Variants in PRDM8 observed in about 807,000 individuals in gnomAD.
PRDM8 encodes PR/SET domain 8, also known as PR domain zinc finger protein 8.
In PRDM8, 13 loss-of-function variants were observed where a neutral mutation model predicts 46.5. The observed-to-expected ratio is 0.28, with a 90% confidence interval of 0.18 to 0.44. PRDM8 has a LOEUF of 0.44. PRDM8 is among the 20% of genes least tolerant of loss of function. The pLI, the probability that PRDM8 is intolerant of heterozygous loss-of-function variation, is 1.00. For synonymous variants in PRDM8, 473 were observed against 438.4 expected (o/e 1.08, Z -0.98); for missense variants, 998 against 955.0 (o/e 1.04, Z -0.59).
At chr4:80,188,837 A>G (rs1737321877) in intron 1 of PRDM8, among the ~76,000 whole-genome samples, 1 of 152,234 alleles carries the variant, frequency 6.6e-6, no homozygotes, top group South Asian at 2.1e-4. Flanking sequence ...CGAGCCAGAC[A>G]GGGAGCTCCG....
At chr4:80,192,866 T>G (rs186449780), upstream of PRDM8, among the ~76,000 whole-genome samples, 214 of 152,260 alleles carry the variant, frequency 1.4e-3, 2 homozygotes, top group Admixed American at 0.011. Flanking sequence ...AAAGTCATAC[T>G]CAGAGGCCAT....
rs1381153749 is a variant in PRDM8, at chr4:80,203,360, C to T, written c.1898C>T (p.Ser633Phe). 4.3e-6 allele frequency: 7 copies of T among 1,614,122 alleles called. No homozygotes were observed. Among genetic ancestry groups the T allele is most frequent in the Non-Finnish European group, 5.9e-6 (7 of 1,180,020 alleles). ...AACTGGTGCGCCAAGTGCAATGCCT[C>T]CTTCCGCATGACCTCCGACCTGGTG... ...AQNWCAKCNA[S>F]FRMTSDLVYH... is the part of the protein sequence containing the mutation. The change falls in exon 4 of 4, where the codon TCC becomes TTC. Residue 633 changes from serine to phenylalanine, a missense_variant. By Grantham distance (155) the Ser-to-Phe change is radical. Transcript: ENST00000415738.
At chr4:80,192,746 G>A (rs954920060), upstream of PRDM8, among the ~76,000 whole-genome samples, 3 of 152,180 alleles carry the variant, frequency 2.0e-5, no homozygotes, top group African/African-American at 7.2e-5. Context: ...TTGAAATAGT[G>A]GATATTGGAT....
At chr4:80,187,679 G>A (rs3796593) in intron 1 of PRDM8, among the ~76,000 whole-genome samples, 2,339 of 152,146 alleles carry the variant, frequency 0.015, 57 homozygotes, top group East Asian at 0.12. Context: ...GGTTTGCTCC[G>A]CGTCTGTTGT....
chr4:80,199,969 T>A, intron 1 of PRDM8, 110 bp from the exon 2 acceptor site: 2 of 788,306 alleles, frequency 2.5e-6, no homozygotes, highest in Non-Finnish European at 4.1e-6. Flanking sequence ...TATGCAAAAA[T>A]CAGGCATGTG....
At chr4:80,201,876 G>T (rs773328126) in intron 3 of PRDM8, 38 bp from the exon 4 acceptor site, 1 of 1,453,380 alleles carries the variant, frequency 6.9e-7, no homozygotes, top group Non-Finnish European at 9.2e-7. Context: ...GTGTGTGTGT[G>T]CGTGCGTGCG....
upstream of PRDM8, chr4:80,196,744 A>AC: frequency 1.2e-6 from 1 of 863,576 alleles, no homozygotes; most frequent in East Asian, 1.3e-4. Context: ...ACAAAAACAA[A>AC]CAAAAAAAAA....
At position 80,185,714 on chromosome 4, in the gene PRDM8, A is replaced by T. The variant is rs191606142; in HGVS notation, c.-983+196A>T. On this transcript the variant is annotated intron_variant, in intron 1 of 9. Transcript: ENST00000339711. ...GCGCACCTGCAATACGGATGAGTTC[A>T]GAGTTTGATCCCTTGGGGCCTTTTT... 1.1e-4 allele frequency among the ~76,000 whole-genome samples: 16 copies of T among 152,332 alleles called. 1 individual carries two copies. The highest frequency in any genetic ancestry group is 6.5e-4 in the Admixed American group (10 of 15,300).
Position 80,202,667 on chromosome 4 carries a change from G to A in PRDM8, c.1205G>A (p.Gly402Glu). 1 of 1,455,504 alleles carries A rather than the reference G, an allele frequency of 6.9e-7. No homozygotes were observed. The highest frequency in any genetic ancestry group is 9.0e-7 in the Non-Finnish European group (1 of 1,109,078). The allele number at this position is 1,455,504 out of a possible 1,614,324, so 90.2% of individuals were successfully genotyped here. The change falls in exon 4 of 4, where the codon GGG (glycine) becomes GAG (glutamate). Residue 402 changes from glycine (G) to glutamate (E), a missense_variant. Physicochemically the swap from Gly to Glu is moderately conservative, Grantham distance 98. Transcript: ENST00000415738. Reference protein sequence around the residue: ...AARAASLQEEGTADGAGVASE... With the variant: ...AARAASLQEEETADGAGVASE... ...CGCGCGGCCAGCCTGCAGGAGGAGG[G>A]GACAGCCGACGGCGCGGGAGTCGCC...
At chr4:80,198,222 C>A (rs1349961338) in intron 1 of PRDM8, among the ~76,000 whole-genome samples, 1 of 152,244 alleles carries the variant, frequency 6.6e-6, no homozygotes, top group Admixed American at 6.5e-5. Flanking sequence ...CGACTCCGAC[C>A]GCTATTAGCG....
intron 1 of PRDM8, among the ~76,000 whole-genome samples, chr4:80,187,091 C>T (rs1470731731): frequency 6.6e-6 from 1 of 152,172 alleles, no homozygotes; most frequent in South Asian, 2.1e-4. Flanking sequence ...TCCTTCTCAC[C>T]AATGTCTCCT....
chr4:80,186,322 T>C (rs986658755), intron 1 of PRDM8, among the ~76,000 whole-genome samples: 2 of 151,800 alleles, frequency 1.3e-5, no homozygotes, highest in Non-Finnish European at 2.9e-5. Flanking sequence ...AGATTTACTT[T>C]TGCAGCCTTT....
intron 1 of PRDM8, among the ~76,000 whole-genome samples, chr4:80,187,340 C>G (rs1178888372): frequency 6.6e-6 from 1 of 150,408 alleles, no homozygotes; most frequent in South Asian, 2.1e-4. Flanking sequence ...TATTATTGTC[C>G]ATTATTTTAT....
intron 1 of PRDM8, among the ~76,000 whole-genome samples, chr4:80,189,214 A>G (rs561724131): frequency 1.3e-5 from 2 of 152,302 alleles, no homozygotes; most frequent in East Asian, 3.9e-4. Flanking sequence ...ACGTGTTCAC[A>G]TGCTTCTCAT....
chr4:80,199,737 G>GTGTGTA (rs1553905032), intron 1 of PRDM8, among the ~76,000 whole-genome samples: 5,341 of 140,382 alleles, frequency 0.038, 303 homozygotes, highest in African/African-American at 0.12. Context: ...GTGTGTGTGT[G>GTGTGTA]TACATATATA....
At chr4:80,196,392 C>T, upstream of PRDM8, 1 of 985,490 alleles carries the variant, frequency 1.0e-6, no homozygotes, top group East Asian at 1.1e-4. Context: ...CCGAGATTCC[C>T]CAGCGACGTG....
rs534247759 is a variant in PRDM8 at position 80,203,729 on chromosome 4, G to A, written c.*197G>A. The A allele has an allele frequency of 2.5e-5, 15 of 590,022 alleles. No homozygotes were observed. Among genetic ancestry groups the A allele is most frequent in the Non-Finnish European group, 3.0e-5 (11 of 372,166 alleles). The allele number at this position is 590,022 out of a possible 1,614,324, so 36.5% of individuals were successfully genotyped here. ...AGGAACCTCATTCAAATATTTACCCGGGACACACACCCCCCCCCACACACA... is the reference window on the plus strand; with the variant it reads ...AGGAACCTCATTCAAATATTTACCCAGGACACACACCCCCCCCCACACACA... On this transcript the variant is annotated 3_prime_UTR_variant, in exon 4 of 4. Transcript: ENST00000415738.
In PRDM8 at chr4:80,197,715, C is replaced by G; in HGVS notation, c.-51C>G. ...AAGGAAACACTCGATTGCATCTTCC[C>G]GGTTCCAGGTGGCCTTATTTGGGAG... On this transcript the variant is annotated 5_prime_UTR_variant, in exon 1 of 4. Transcript: ENST00000415738. The G allele has an allele frequency of 1.0e-6, 1 of 982,268 alleles. No individual in the cohort carries two copies. The highest frequency in any genetic ancestry group is 1.2e-6 in the Non-Finnish European group (1 of 826,688). The allele number at this position is 982,268 out of a possible 1,614,324, so 60.8% of individuals were successfully genotyped here.
At position 80,202,314 on chromosome 4, in the gene PRDM8, C is replaced by CAGCGGT. The variant is rs773274176; in HGVS notation, c.858_863dup (p.Ser289_Gly290dup). On this transcript the variant is annotated inframe_insertion, in exon 4 of 4. Transcript: ENST00000415738. ...GCTGCTCCCCAGCCCAGAGCCTCAG[C>CAGCGGT]AGCGGTAGCGGCAGCGGCGGCGGCG... 5 of 1,609,134 alleles carry CAGCGGT rather than the reference C, an allele frequency of 3.1e-6. No homozygotes were observed. Among genetic ancestry groups the CAGCGGT allele is most frequent in the Non-Finnish European group, 4.2e-6 (5 of 1,178,434 alleles).
Sources: gnomAD v4.1 joint callset for allele counts (sites outside exome capture counted in the v4.1 genomes callset) on GRCh38, gnomAD v4.1.1 for gene constraint, MANE v1.5 for transcripts, NCBI Gene and HGNC (gene_info 2026-07-23, HGNC 2026-07-21) for gene names.